FNDC3B: variants seen among roughly 807,000 people sequenced by gnomAD.
FNDC3B encodes the protein fibronectin type III domain-containing protein 3B.
A neutral mutation model predicts 151.5 loss-of-function variants in FNDC3B; 12 were observed. That is an observed-to-expected ratio of 0.08 (90% CI 0.05 to 0.13). The LOEUF (loss-of-function observed/expected upper bound fraction) is 0.13, where lower values mean the gene tolerates loss of function less well. Ranked by LOEUF, FNDC3B falls within the 10% of genes least tolerant of loss-of-function variation. The pLI is 1.00. For synonymous variants in FNDC3B, 528 were observed against 549.0 expected, an observed-to-expected ratio of 0.96 and a Z score of 0.54; for missense variants, 1,214 against 1,505.3, an observed-to-expected ratio of 0.81 and a Z score of 3.20.
At chr3:172,142,977 T>TA (rs1559985873) in intron 3 of FNDC3B, among the ~76,000 whole-genome samples, 1 of 152,162 alleles carries the variant, frequency 6.6e-6, no homozygotes, top group Non-Finnish European at 1.5e-5. Context: ...GCCTCCTTTA[T>TA]AAGGACACTA....
At chr3:172,386,076 A>C (rs762646190) in intron 25 of FNDC3B, among the ~76,000 whole-genome samples, 1 of 152,206 alleles carries the variant, frequency 6.6e-6, no homozygotes, top group African/African-American at 2.4e-5. Context: ...TCTTCATTAG[A>C]TTGCATGCAC....
chr3:172,171,667 C>G (rs187997265), intron 3 of FNDC3B, among the ~76,000 whole-genome samples: 7 of 146,734 alleles, frequency 4.8e-5, no homozygotes, highest in African/African-American at 1.8e-4. Flanking sequence ...CAGTTCTTTA[C>G]AGCTGAGCAA....
chr3:172,188,899 T>C (rs568539814), intron 3 of FNDC3B, among the ~76,000 whole-genome samples: 1 of 152,336 alleles, frequency 6.6e-6, no homozygotes, highest in Admixed American at 6.5e-5. Flanking sequence ...CATTTTAGAC[T>C]GCATGTACTA....
At chr3:172,324,375 G>C (rs1405656796) in intron 11 of FNDC3B, among the ~76,000 whole-genome samples, 1 of 152,124 alleles carries the variant, frequency 6.6e-6, no homozygotes, top group East Asian at 1.9e-4. Flanking sequence ...GTGCTCTCAG[G>C]CTAGGTCTGG....
In FNDC3B at chr3:172,380,967, A is replaced by G; in HGVS notation, c.3177A>G (p.Ala1059=). The G allele has an allele frequency of 6.2e-7, 1 of 1,613,068 alleles. No homozygotes were observed. The highest frequency in any genetic ancestry group is 8.5e-7 in the Non-Finnish European group (1 of 1,179,258). The change falls in exon 25 of 26, where the codon GCA becomes GCG. Residue 1059 remains alanine (A), a splice_region_variant and synonymous_variant. Transcript: ENST00000415807. The stretch of plus-strand genomic sequence containing the variant: ...TGGATGTGTGGATTTGTATTTCAGC[A>G]CCTCGAGTAACACAGTTAGAAGGAA... ...TTKSVPPTIK[A]PRVTQLEGNS... is the part of the protein sequence containing the mutation.
At chr3:172,333,998 G>A (rs1732822420) in intron 14 of FNDC3B, among the ~76,000 whole-genome samples, 2 of 151,834 alleles carry the variant, frequency 1.3e-5, no homozygotes, top group Middle Eastern at 3.4e-3. Context: ...CGATCACTAA[G>A]AGATCAAAAC....
intron 3 of FNDC3B, among the ~76,000 whole-genome samples, chr3:172,204,999 C>A (rs377729240): frequency 4.1e-4 from 63 of 152,214 alleles, no homozygotes; most frequent in African/African-American, 1.4e-3. Flanking sequence ...TGGAGAGAGA[C>A]GGGAAGGACA....
At chr3:172,308,416 G>T (rs1490987854) in intron 10 of FNDC3B, among the ~76,000 whole-genome samples, 1 of 152,166 alleles carries the variant, frequency 6.6e-6, no homozygotes, top group Non-Finnish European at 1.5e-5. Flanking sequence ...AAAATAGATG[G>T]AGGTAGAGAT....
chr3:172,390,529 G>A (rs931123150), intron 25 of FNDC3B, among the ~76,000 whole-genome samples: 3 of 150,192 alleles, frequency 2.0e-5, no homozygotes, highest in Admixed American at 1.3e-4. Context: ...TTAAATATAC[G>A]TTTGGGCTCA....
chr3:172,330,740 C>G, intron 13 of FNDC3B, 25 bp downstream of exon 13: 1 of 1,585,824 alleles, frequency 6.3e-7, no homozygotes. Context: ...TTTTATACTT[C>G]TCTGTGTTTT....
intron 3 of FNDC3B, among the ~76,000 whole-genome samples, chr3:172,164,008 TA>T (rs1222510155): frequency 6.6e-6 from 1 of 152,246 alleles, no homozygotes; most frequent in East Asian, 1.9e-4. Context: ...TTATTACTTT[TA>T]CCTTTTCACC....
chr3:172,127,938 G>A (rs376940042), intron 2 of FNDC3B, among the ~76,000 whole-genome samples: 2 of 152,188 alleles, frequency 1.3e-5, no homozygotes, highest in African/African-American at 4.8e-5. Flanking sequence ...GATTATAGGC[G>A]TGAGCCACCA....
rs77494321 is a variant in FNDC3B at position 172,055,053 on chromosome 3, C to T, written c.-29+15282C>T. On this transcript the variant is annotated intron_variant, in intron 1 of 25. Coordinates refer to ENST00000415807, the MANE Select transcript of FNDC3B (RefSeq NM_022763.4). ...GGACTCTCTTCTCTCTAACCTCACACTTTCACCACCATCACCAAAATTTGC... is the reference window on the plus strand; with the variant it reads ...GGACTCTCTTCTCTCTAACCTCACATTTTCACCACCATCACCAAAATTTGC... 2.5e-3 allele frequency among the ~76,000 whole-genome samples: 382 copies of T among 152,300 alleles called. 2 individuals are homozygous for T. The highest frequency in any genetic ancestry group is 8.6e-3 in the African/African-American group (359 of 41,560).
chr3:172,191,229 G>A (rs920730349), intron 3 of FNDC3B, among the ~76,000 whole-genome samples: 16 of 152,098 alleles, frequency 1.1e-4, no homozygotes, highest in East Asian at 1.9e-4. Context: ...TTTTGTGCAC[G>A]TGCTCATGAT....
Position 172,397,525 on chromosome 3 carries a change from CATTT to C in FNDC3B, c.*54_*57del, listed in dbSNP as rs1255132174. ...TTAATGCTACACATTTTAATACACACATTTATTCAGATACTCCCCTTTTTAAAGC... is the reference window on the plus strand; with the variant it reads ...TTAATGCTACACATTTTAATACACACATTCAGATACTCCCCTTTTTAAAGC... On this transcript the variant is annotated 3_prime_UTR_variant, in exon 26 of 26. Coordinates refer to ENST00000415807, the MANE Select transcript of FNDC3B (RefSeq NM_022763.4). 1 of 1,208,666 alleles carries C rather than the reference CATTT, an allele frequency of 8.3e-7. No homozygotes were observed. The highest frequency in any genetic ancestry group is 1.2e-6 in the Non-Finnish European group (1 of 867,750). The allele number at this position is 1,208,666 out of a possible 1,614,324, so 74.9% of individuals were successfully genotyped here.
At chr3:172,280,464 C>G (rs566350137) in intron 6 of FNDC3B, among the ~76,000 whole-genome samples, 1 of 152,284 alleles carries the variant, frequency 6.6e-6, no homozygotes, top group African/African-American at 2.4e-5. Context: ...GCCCCTAGTT[C>G]ATTATACATG....
chr3:172,297,766 G>A (rs577979739), intron 8 of FNDC3B, among the ~76,000 whole-genome samples: 2,534 of 100,520 alleles, frequency 0.025, 32 homozygotes, highest in Non-Finnish European at 0.032. Flanking sequence ...GAGCCACCGC[G>A]CCCGGCCTTT....
At chr3:172,074,283 A>G (rs1413525451) in intron 1 of FNDC3B, among the ~76,000 whole-genome samples, 2 of 152,188 alleles carry the variant, frequency 1.3e-5, no homozygotes, top group Non-Finnish European at 2.9e-5. Context: ...TAGTATTCAG[A>G]CCTAATTCTC....
At chr3:172,081,589 G>C (rs999548231) in intron 1 of FNDC3B, among the ~76,000 whole-genome samples, 1 of 152,036 alleles carries the variant, frequency 6.6e-6, no homozygotes, top group African/African-American at 2.4e-5. Flanking sequence ...TCAAAATAAG[G>C]CATCGACTTG....
Sources: allele counts gnomAD v4.1 joint callset (sites outside exome capture counted in the v4.1 genomes callset), GRCh38; gene constraint gnomAD v4.1.1; transcripts MANE v1.5; gene names NCBI Gene and HGNC (gene_info 2026-07-23, HGNC 2026-07-21).